Variants in KCND2 observed in about 807,000 individuals in gnomAD.
The protein encoded by KCND2 is A-type voltage-gated potassium channel KCND2.
A neutral mutation model predicts 54.4 loss-of-function variants in KCND2; 16 were observed. The ratio of observed to expected loss-of-function variants is 0.29; its 90% CI spans 0.20 to 0.45. KCND2 has a LOEUF of 0.45. Ranked by LOEUF, KCND2 falls within the 20% of genes least tolerant of loss-of-function variation. The probability of loss-of-function intolerance (pLI) is 1.00; values close to 1 mark genes in which losing one functional copy is unlikely to be tolerated. For synonymous variants in KCND2, 317 were observed against 310.7 expected (o/e 1.02, Z -0.21); for missense variants, 486 against 824.2 (o/e 0.59, Z 5.02).
At chr7:120,629,632 G>T (rs529025476) in intron 1 of KCND2, among the ~76,000 whole-genome samples, 1 of 152,338 alleles carries the variant, frequency 6.6e-6, no homozygotes, top group East Asian at 1.9e-4. Context: ...CCTATTGAAC[G>T]ATGGGGTCAA....
chr7:120,378,040 A>G (rs1425769236), intron 1 of KCND2, among the ~76,000 whole-genome samples: 1 of 152,006 alleles, frequency 6.6e-6, no homozygotes, highest in East Asian at 1.9e-4. Flanking sequence ...AATGATGCAT[A>G]GAAGGTAGTA....
At chr7:120,402,227 A>G (rs1178893297) in intron 1 of KCND2, among the ~76,000 whole-genome samples, 1 of 152,176 alleles carries the variant, frequency 6.6e-6, no homozygotes, top group Non-Finnish European at 1.5e-5. Context: ...ACTGTAAATA[A>G]TAGCCATCAG....
chr7:120,561,410 C>T (rs976838930), intron 1 of KCND2, among the ~76,000 whole-genome samples: 3 of 151,994 alleles, frequency 2.0e-5, no homozygotes, highest in Admixed American at 6.6e-5. Flanking sequence ...ATATTAGGCA[C>T]TGATCTAAGT....
At chr7:120,468,439 A>G (rs1802409465) in intron 1 of KCND2, among the ~76,000 whole-genome samples, 1 of 152,092 alleles carries the variant, frequency 6.6e-6, no homozygotes, top group Non-Finnish European at 1.5e-5. Flanking sequence ...GAACATCATT[A>G]TGTTAACCAT....
chr7:120,377,833 C>T (rs977760755), intron 1 of KCND2, among the ~76,000 whole-genome samples: 2 of 151,914 alleles, frequency 1.3e-5, no homozygotes, highest in Non-Finnish European at 2.9e-5. Flanking sequence ...CTCTGTGTGT[C>T]CCTTCAGCTT....
intron 1 of KCND2, among the ~76,000 whole-genome samples, chr7:120,577,374 G>T (rs1392096060): frequency 6.6e-6 from 1 of 151,984 alleles, no homozygotes; most frequent in Non-Finnish European, 1.5e-5. Flanking sequence ...TTCATAACTT[G>T]CTATGAATGT....
intron 1 of KCND2, among the ~76,000 whole-genome samples, chr7:120,370,618 G>A (rs1388096221): frequency 6.6e-6 from 1 of 151,992 alleles, no homozygotes; most frequent in Non-Finnish European, 1.5e-5. Context: ...ACATGAGAGA[G>A]TAAACACTCA....
In KCND2 at chr7:120,321,042, C is replaced by A. The variant is rs79877955; in HGVS notation, c.1115+45295C>A. 1.3e-3 allele frequency among the ~76,000 whole-genome samples: 199 copies of A among 152,218 alleles called. 1 individual carries two copies. In the East Asian group the frequency reaches 0.018, roughly 14 times the overall value. On this transcript the variant is annotated intron_variant, in intron 1 of 5. Coordinates refer to ENST00000331113, the MANE Select transcript of KCND2 (RefSeq NM_012281.3). ...CAGTGCCCAATTCATAGTACCTTCC[C>A]AGCATTAAATGCTAACCTTTTTTTC...
chr7:120,436,849 G>T (rs921590571), intron 1 of KCND2, among the ~76,000 whole-genome samples: 1 of 152,200 alleles, frequency 6.6e-6, no homozygotes, highest in African/African-American at 2.4e-5. Flanking sequence ...AACTCTGTCA[G>T]CTGTCTCAGC....
chr7:120,616,650 T>A (rs113692296), intron 1 of KCND2, among the ~76,000 whole-genome samples: 10 of 152,304 alleles, frequency 6.6e-5, no homozygotes, highest in African/African-American at 2.4e-4. Context: ...TAAAAGAGTA[T>A]ACAATATAGA....
chr7:120,347,145 C>A (rs899782801), intron 1 of KCND2, among the ~76,000 whole-genome samples: 1 of 152,002 alleles, frequency 6.6e-6, no homozygotes, highest in Non-Finnish European at 1.5e-5. Context: ...GGTTTAAGCT[C>A]AAAAAATGTT....
intron 1 of KCND2, among the ~76,000 whole-genome samples, chr7:120,286,663 A>G (rs1799349855): frequency 1.3e-5 from 2 of 152,044 alleles, no homozygotes; most frequent in Admixed American, 6.6e-5. Flanking sequence ...GGAATTTCCT[A>G]TTTAGAAATT....
intron 1 of KCND2, among the ~76,000 whole-genome samples, chr7:120,565,288 G>A (rs573900004): frequency 2.9e-4 from 44 of 152,270 alleles, no homozygotes; most frequent in African/African-American, 9.1e-4. Flanking sequence ...CCCAAGAGCC[G>A]TATCTGTGAA....
intron 2 of KCND2, among the ~76,000 whole-genome samples, chr7:120,735,882 A>G (rs1268768422): frequency 6.6e-6 from 1 of 152,108 alleles, no homozygotes; most frequent in African/African-American, 2.4e-5. Flanking sequence ...GTGGATATGA[A>G]CTAAATAAGT....
At chr7:120,558,993 C>G (rs566939540) in intron 1 of KCND2, among the ~76,000 whole-genome samples, 6,180 of 149,112 alleles carry the variant, frequency 0.041, 157 homozygotes, top group Non-Finnish European at 0.067. Flanking sequence ...TCACAAAGTA[C>G]TGTGTGTGTG....
intron 1 of KCND2, among the ~76,000 whole-genome samples, chr7:120,524,153 G>A (rs1305881733): frequency 2.0e-5 from 3 of 151,602 alleles, no homozygotes; most frequent in Admixed American, 6.6e-5. Context: ...AAGAATCGCC[G>A]GAACCCGGGA....
intron 1 of KCND2, among the ~76,000 whole-genome samples, chr7:120,596,942 A>C (rs187968527): frequency 6.6e-6 from 1 of 152,364 alleles, no homozygotes; most frequent in African/African-American, 2.4e-5. Context: ...ATATATATCG[A>C]TTTCACAGGA....
intron 1 of KCND2, among the ~76,000 whole-genome samples, chr7:120,502,043 C>T (rs943227743): frequency 4.6e-5 from 7 of 152,004 alleles, no homozygotes; most frequent in African/African-American, 1.2e-4. Context: ...AATCAGAAAA[C>T]ATCTTTTAGT....
At chr7:120,486,477 G>A (rs1393180570) in intron 1 of KCND2, among the ~76,000 whole-genome samples, 2 of 152,162 alleles carry the variant, frequency 1.3e-5, no homozygotes, top group South Asian at 2.1e-4. Flanking sequence ...AATTAAGATA[G>A]GGGTTAGTTA....
Sources: gnomAD v4.1 joint callset for allele counts (sites outside exome capture counted in the v4.1 genomes callset) on GRCh38, gnomAD v4.1.1 for gene constraint, MANE v1.5 for transcripts, NCBI Gene and HGNC (gene_info 2026-07-23, HGNC 2026-07-21) for gene names.